The following LRP2 variants were observed in gnomAD, a reference collection of about 807,000 sequenced individuals.
LRP2 encodes low-density lipoprotein receptor-related protein 2.
LRP2 carries 172 observed loss-of-function variants against 531.0 expected under a neutral mutation model. That is an observed-to-expected ratio of 0.32 (90% CI 0.29 to 0.37). The LOEUF is 0.37. Ranked by LOEUF, LRP2 falls within the 10% of genes least tolerant of loss-of-function variation. The pLI, the probability that LRP2 is intolerant of heterozygous loss-of-function variation, is 1.00. For synonymous variants in LRP2, 1,992 were observed against 2,027.6 expected, an observed-to-expected ratio of 0.98 and a Z score of 0.47; for missense variants, 5,167 against 5,868.3, an observed-to-expected ratio of 0.88 and a Z score of 3.90.
chr2:169,294,789 A>T, intron 4 of LRP2, 79 bp from the exon 5 acceptor site: 2 of 869,686 alleles, frequency 2.3e-6, no homozygotes, highest in Admixed American at 2.1e-5. Flanking sequence ...GCAAACATTT[A>T]TTGAGTGATT....
At chr2:169,270,656 A>G (rs1683383996) in intron 16 of LRP2, among the ~76,000 whole-genome samples, 1 of 151,640 alleles carries the variant, frequency 6.6e-6, no homozygotes, top group South Asian at 2.1e-4. Flanking sequence ...CCTAACATAA[A>G]TGACGAGTTA....
chr2:169,320,924 C>G (rs750100010), intron 1 of LRP2, 40 bp from the exon 2 acceptor site: 3 of 1,357,280 alleles, frequency 2.2e-6, no homozygotes, highest in Admixed American at 1.7e-5. Flanking sequence ...TTATGCCATG[C>G]AGATATTTAA....
intron 1 of LRP2, among the ~76,000 whole-genome samples, chr2:169,325,734 CTG>C (rs1261236614): frequency 6.6e-6 from 1 of 152,064 alleles, no homozygotes; most frequent in African/African-American, 2.4e-5. Context: ...TAGTCTCTTT[CTG>C]TGCAACATTT....
At chr2:169,161,649 T>C (rs967354035) in intron 63 of LRP2, among the ~76,000 whole-genome samples, 9 of 152,180 alleles carry the variant, frequency 5.9e-5, no homozygotes, top group Admixed American at 3.9e-4. Context: ...AATTTTTGTG[T>C]ATTTTGTTAA....
At chr2:169,187,248 T>A (rs565318250) in intron 49 of LRP2, among the ~76,000 whole-genome samples, 1 of 152,298 alleles carries the variant, frequency 6.6e-6, no homozygotes, top group Admixed American at 6.5e-5. Context: ...TTTAATGTTA[T>A]TTCATATAAA....
chr2:169,178,428 A>T (rs928902468), intron 52 of LRP2, among the ~76,000 whole-genome samples: 3 of 152,200 alleles, frequency 2.0e-5, no homozygotes. Flanking sequence ...CCATTGGAAG[A>T]AATCAGAAGA....
chr2:169,294,456 A>T, intron 5 of LRP2, 144 bp downstream of exon 5: 1 of 767,826 alleles, frequency 1.3e-6, no homozygotes, highest in Non-Finnish European at 2.3e-6. Context: ...TCCAGTGTGT[A>T]AATACTCCTA....
intron 77 of LRP2, among the ~76,000 whole-genome samples, chr2:169,129,526 G>A (rs1421971434): frequency 2.6e-5 from 4 of 152,280 alleles, no homozygotes; most frequent in Non-Finnish European, 4.4e-5. Context: ...CAACTCAAGA[G>A]TATCCCTTCT....
chr2:169,160,999 A>G (rs990138500), intron 63 of LRP2, among the ~76,000 whole-genome samples: 2 of 152,232 alleles, frequency 1.3e-5, no homozygotes, highest in African/African-American at 4.8e-5. Flanking sequence ...AGTCAATTAG[A>G]GCCCAAGAAG....
chr2:169,259,270 CAA>C, intron 16 of LRP2, 53 bp from the exon 17 acceptor site: 1 of 1,288,094 alleles, frequency 7.8e-7, no homozygotes, highest in Non-Finnish European at 1.1e-6. Flanking sequence ...TGTAAGGCAT[CAA>C]TTTTCCTACT....
chr2:169,273,359 C>CA (rs1356692812), intron 14 of LRP2, among the ~76,000 whole-genome samples: 1 of 152,092 alleles, frequency 6.6e-6, no homozygotes, highest in Non-Finnish European at 1.5e-5. Flanking sequence ...TGCTATCCTC[C>CA]ATGATTAGAA....
Position 169,128,510 on chromosome 2 carries a change from TAA to T in LRP2, c.*151_*152del. ...TTGTAAAAATATGAGACGGCATAAG[TAA>T]AAAAAGACACACAGGATACCTCCAA... On this transcript the variant is annotated 3_prime_UTR_variant, in exon 79 of 79. Transcript: ENST00000649046. 2.9e-6 allele frequency: 2 copies of T among 687,440 alleles called. No individual in the cohort carries two copies. Among genetic ancestry groups the T allele is most frequent in the Admixed American group, 2.6e-5 (1 of 38,446 alleles). 42.6% of individuals were successfully genotyped at this position (687,440 alleles called of 1,614,324 possible).
At chr2:169,166,914 C>T (rs568763854) in intron 61 of LRP2, among the ~76,000 whole-genome samples, 2 of 152,188 alleles carry the variant, frequency 1.3e-5, no homozygotes, top group Non-Finnish European at 2.9e-5. Flanking sequence ...CTTGGTATCA[C>T]ACACAGGGAT....
Position 169,206,371 on chromosome 2 carries a change from G to A in LRP2, c.7349C>T (p.Thr2450Ile). The A allele has an allele frequency of 6.2e-7, 1 of 1,614,134 alleles. No homozygotes were observed. The highest frequency in any genetic ancestry group is 1.1e-5 in the South Asian group (1 of 91,086). ...ASGVGQISYA[T>I]LSSGIHTPTV... ...TGGAGTATGGATCCCTGAAGACAGG[G>A]TGGCATAGGAAATCTGTCCAACTCC... Residue 2450 changes from threonine (T) to isoleucine (I), a missense_variant, in exon 39 of 79, where the codon ACC (threonine) becomes ATC (isoleucine). By Grantham distance (89) the Thr-to-Ile change is moderately conservative (BLOSUM62 -1). Coordinates refer to ENST00000649046, the MANE Select transcript of LRP2 (RefSeq NM_004525.3).
Position 169,256,212 on chromosome 2 carries a change from A to T in LRP2, c.2664T>A (p.Asp888Glu). ...TGTGCTCAATTTTATCAAAATAGGC[A>T]TCTACCCAGTACAATCGTGAAGCAC... The part of the protein sequence containing the change: ...DWAASRLYWV[D>E]AYFDKIEHST... The change falls in exon 19 of 79, where the codon GAT becomes GAA. Residue 888 changes from aspartate to glutamate, a missense_variant. Physicochemically the swap from Asp to Glu is conservative, Grantham distance 45. Transcript: ENST00000649046. 6.2e-7 allele frequency: 1 copy of T among 1,612,880 alleles called. No homozygotes were observed. Among genetic ancestry groups the T allele is most frequent in the Non-Finnish European group, 8.5e-7 (1 of 1,179,082 alleles).
At position 169,286,156 on chromosome 2, in the gene LRP2, G is replaced by C. The variant is rs544623588; in HGVS notation, c.1042+2870C>G. Among the ~76,000 whole-genome samples the C allele has an allele frequency of 2.6e-4, 40 of 152,298 alleles. No individual in the cohort carries two copies. In the South Asian group the frequency reaches 8.3e-3, roughly 32 times the overall value. The stretch of plus-strand genomic sequence containing the variant: ...TCTTTGAAACAAATGTGAAATAAAT[G>C]TTAACCCAGCCTCAAAACTCAGAGG... On this transcript the variant is annotated intron_variant, in intron 9 of 78. Transcript: ENST00000649046.
At chr2:169,291,682 T>C (rs1684001944) in intron 7 of LRP2, among the ~76,000 whole-genome samples, 1 of 136,372 alleles carries the variant, frequency 7.3e-6, no homozygotes, top group South Asian at 2.6e-4. Flanking sequence ...AGCACTTCCC[T>C]GGATAGTAGC....
chr2:169,135,857 C>T (rs1685484681), intron 76 of LRP2, among the ~76,000 whole-genome samples: 1 of 152,178 alleles, frequency 6.6e-6, no homozygotes, highest in Non-Finnish European at 1.5e-5. Flanking sequence ...CTCCTATTCA[C>T]CGTTCTCAAC....
intron 57 of LRP2, among the ~76,000 whole-genome samples, chr2:169,172,474 A>T (rs1045363932): frequency 6.6e-6 from 1 of 152,250 alleles, no homozygotes; most frequent in Non-Finnish European, 1.5e-5. Flanking sequence ...AATTGGACTC[A>T]GTGTTCTTAA....
Sources: gnomAD v4.1 joint callset for allele counts (sites outside exome capture counted in the v4.1 genomes callset) on GRCh38, gnomAD v4.1.1 for gene constraint, MANE v1.5 for transcripts, NCBI Gene and HGNC (gene_info 2026-07-23, HGNC 2026-07-21) for gene names.